BRD10: variants seen among roughly 807,000 people sequenced by gnomAD.
BRD10 encodes the protein bromodomain containing 10, also known as uncharacterized bromodomain-containing protein 10.
At chr9:6,008,208 C>T in the BRD10 span, 3 of 979,760 alleles carry the variant, frequency 3.1e-6, no homozygotes, top group Non-Finnish European at 3.6e-6. Context: ...TTCTCCTCTC[C>T]CCTCCCCGGA....
chr9:5,920,393 C>A, the BRD10 span: 1 of 1,614,008 alleles, frequency 6.2e-7, no homozygotes, highest in Middle Eastern at 1.6e-4. Context: ...ACAAGGTTCA[C>A]TGAACTGACT....
At chr9:5,963,843 G>A in the BRD10 span, among the ~76,000 whole-genome samples, 1 of 151,896 alleles carries the variant, frequency 6.6e-6, no homozygotes, top group South Asian at 2.1e-4. Context: ...GGGAAAACTG[G>A]CTAGCCATAT....
At chr9:5,958,685 T>C in the BRD10 span, among the ~76,000 whole-genome samples, 1 of 152,242 alleles carries the variant, frequency 6.6e-6, no homozygotes, top group Non-Finnish European at 1.5e-5. Flanking sequence ...TTCCTAGATT[T>C]AGCCTTTCCA....
At chr9:5,927,512 A>G in the BRD10 span, among the ~76,000 whole-genome samples, 1 of 152,174 alleles carries the variant, frequency 6.6e-6, no homozygotes, top group Non-Finnish European at 1.5e-5. Context: ...AAACTCCATG[A>G]AAGAGGACTC....
chr9:5,991,180 GTATATATATA>G, the BRD10 span, among the ~76,000 whole-genome samples: 10 of 150,336 alleles, frequency 6.7e-5, no homozygotes, highest in East Asian at 2.0e-4. Flanking sequence ...GTGTGTGTGT[GTATATATATA>G]TATATATATA....
the BRD10 span, among the ~76,000 whole-genome samples, chr9:5,989,609 G>C: frequency 1.6e-3 from 236 of 149,790 alleles, 2 homozygotes; most frequent in African/African-American, 5.6e-3. Context: ...TGATCCTGCA[G>C]CTTCAACCTC....
the BRD10 span, among the ~76,000 whole-genome samples, chr9:5,943,818 T>A: frequency 6.6e-6 from 1 of 152,202 alleles, no homozygotes; most frequent in Non-Finnish European, 1.5e-5. Flanking sequence ...CATGAGCATT[T>A]ATTCTCTTAA....
At chr9:5,955,796 G>C in the BRD10 span, among the ~76,000 whole-genome samples, 177 of 152,248 alleles carry the variant, frequency 1.2e-3, 1 homozygote, top group Middle Eastern at 0.02. Context: ...CCTTATAACA[G>C]AAGTATACTC....
chr9:5,970,834 T>C, the BRD10 span, among the ~76,000 whole-genome samples: 1 of 151,934 alleles, frequency 6.6e-6, no homozygotes, highest in Non-Finnish European at 1.5e-5. Context: ...GTGGATCATC[T>C]GAGGTCAGGA....
the BRD10 span, among the ~76,000 whole-genome samples, chr9:5,958,969 T>C: frequency 6.6e-6 from 1 of 152,292 alleles, no homozygotes; most frequent in South Asian, 2.1e-4. Context: ...CAATTTGACC[T>C]TAACAAAACA....
the BRD10 span, chr9:5,924,964 GCTTTAAT>G: frequency 1.4e-6 from 1 of 724,320 alleles, no homozygotes; most frequent in South Asian, 4.3e-5. Context: ...CACTAGAAAT[GCTTTAAT>G]CTTAAGTGTG....
At chr9:5,916,685 G>C in the BRD10 span, among the ~76,000 whole-genome samples, 2 of 152,090 alleles carry the variant, frequency 1.3e-5, no homozygotes, top group South Asian at 4.1e-4. Flanking sequence ...CCAGAAGGAG[G>C]CAGGCTATTT....
At chr9:5,979,395 C>T in the BRD10 span, among the ~76,000 whole-genome samples, 9 of 152,056 alleles carry the variant, frequency 5.9e-5, no homozygotes, top group Non-Finnish European at 1.0e-4. Context: ...TGCCTGTAAT[C>T]CCAGCTACTT....
chr9:5,998,397 T>C, the BRD10 span, among the ~76,000 whole-genome samples: 1 of 152,244 alleles, frequency 6.6e-6, no homozygotes, highest in South Asian at 2.1e-4. Context: ...CCATAATATG[T>C]ATACACATAA....
chr9:5,905,082 T>C, the BRD10 span, among the ~76,000 whole-genome samples: 1 of 152,228 alleles, frequency 6.6e-6, no homozygotes, highest in South Asian at 2.1e-4. Flanking sequence ...CTTATACTTC[T>C]TTTTTACTTT....
chr9:5,897,461 T>A, the BRD10 span: 6 of 1,179,606 alleles, frequency 5.1e-6, no homozygotes, highest in Admixed American at 6.9e-5. Context: ...CTCTGGGTCG[T>A]CAAAGTCCAT....
chr9:5,953,037 G>C, the BRD10 span, among the ~76,000 whole-genome samples: 8 of 152,086 alleles, frequency 5.3e-5, no homozygotes, highest in African/African-American at 1.7e-4. Flanking sequence ...ATTTAAAAAT[G>C]TTAAATTTTT....
the BRD10 span, among the ~76,000 whole-genome samples, chr9:5,989,069 A>G: frequency 6.6e-6 from 1 of 151,904 alleles, no homozygotes; most frequent in African/African-American, 2.4e-5. Context: ...TGCCTCTACT[A>G]AAAATACAAA....
chr9:5,896,146 C>A, the BRD10 span, among the ~76,000 whole-genome samples: 1 of 152,218 alleles, frequency 6.6e-6, no homozygotes, highest in East Asian at 1.9e-4. Context: ...AATGTTGGTT[C>A]TGCCACTTGC....
Sources: gnomAD v4.1 joint callset for allele counts (sites outside exome capture counted in the v4.1 genomes callset) on GRCh38, gnomAD v4.1.1 for gene constraint, MANE v1.5 for transcripts, NCBI Gene and HGNC (gene_info 2026-07-23, HGNC 2026-07-21) for gene names.